NCR1: variants seen among roughly 807,000 people sequenced by gnomAD.
The protein encoded by NCR1 is NK cell-activating receptor.
NCR1 carries 30 observed loss-of-function variants against 32.5 expected under a neutral mutation model. The ratio of observed to expected loss-of-function variants is 0.92; its 90% CI spans 0.69 to 1.25. NCR1 has a LOEUF of 1.25. Ranked by LOEUF, NCR1 falls within the 50% of genes most tolerant of loss-of-function variation. The pLI is 0.00. For synonymous variants in NCR1, 169 were observed against 143.4 expected (o/e 1.18, Z -1.28); for missense variants, 369 against 380.7 (o/e 0.97, Z 0.26).
chr19:54,932,055 C>T, the NCR1 span, among the ~76,000 whole-genome samples: 1 of 152,034 alleles, frequency 6.6e-6, no homozygotes, highest in Non-Finnish European at 1.5e-5. Context: ...ACACATTCTA[C>T]ATATATAGGG....
At chr19:54,932,419 C>T in the NCR1 span, among the ~76,000 whole-genome samples, 1 of 137,126 alleles carries the variant, frequency 7.3e-6, no homozygotes, top group African/African-American at 2.8e-5. Context: ...CAGAGTGAGA[C>T]TTCATCCAAA....
intron 3 of NCR1, among the ~76,000 whole-genome samples, chr19:54,908,714 C>T (rs2067777459): frequency 6.7e-6 from 1 of 148,504 alleles, no homozygotes; most frequent in African/African-American, 2.5e-5. Context: ...CAGCTCACTG[C>T]AACCTCTGCC....
chr19:54,936,137 T>G, the NCR1 span: 1 of 830,954 alleles, frequency 1.2e-6, no homozygotes, highest in African/African-American at 1.7e-5. Flanking sequence ...CACACAGGCC[T>G]GTTTGAGGAA....
chr19:54,921,837 T>G, the NCR1 span, among the ~76,000 whole-genome samples: 2 of 150,100 alleles, frequency 1.3e-5, no homozygotes, highest in Non-Finnish European at 3.0e-5. Context: ...CCTAAAGCAT[T>G]AGCCATATGC....
At chr19:54,928,233 AT>A in the NCR1 span, among the ~76,000 whole-genome samples, 1 of 152,248 alleles carries the variant, frequency 6.6e-6, no homozygotes, top group South Asian at 2.1e-4. Context: ...AATATATAAC[AT>A]AAAATGAAAA....
chr19:54,907,060 G>A (rs1042638598), intron 3 of NCR1, among the ~76,000 whole-genome samples: 1 of 152,080 alleles, frequency 6.6e-6, no homozygotes, highest in Non-Finnish European at 1.5e-5. Flanking sequence ...GTATGCAGGG[G>A]TATGACTGAG....
At chr19:54,934,577 G>A in the NCR1 span, 445 of 1,614,036 alleles carry the variant, frequency 2.8e-4, 2 homozygotes, top group African/African-American at 4.5e-3. The surrounding 1 kb of genome is among the most constrained non-coding windows in gnomAD (Gnocchi z 6.7). Flanking sequence ...GCTGAGAGAC[G>A]CAGGTGCTTC....
chr19:54,930,865 G>T, the NCR1 span, among the ~76,000 whole-genome samples: 1 of 151,694 alleles, frequency 6.6e-6, no homozygotes, highest in Non-Finnish European at 1.5e-5. Context: ...ATAGGTGCCC[G>T]CCACCTATAT....
the NCR1 span, among the ~76,000 whole-genome samples, chr19:54,937,884 TAA>T: frequency 3.0e-5 from 2 of 65,920 alleles, no homozygotes; most frequent in South Asian, 9.0e-4. Flanking sequence ...GCAACAAGAG[TAA>T]ATCTCCGTCT....
chr19:54,909,952 A>AG, intron 4 of NCR1, 66 bp from the exon 5 acceptor site: 3 of 1,399,898 alleles, frequency 2.1e-6, no homozygotes, highest in Non-Finnish European at 3.0e-6. Flanking sequence ...AAAAAAAAAA[A>AG]AAAAGAATGG....
At chr19:54,932,977 A>G in the NCR1 span, among the ~76,000 whole-genome samples, 1 of 152,162 alleles carries the variant, frequency 6.6e-6, no homozygotes, top group African/African-American at 2.4e-5. Context: ...ACATAACTCA[A>G]TCTACCTCCA....
At chr19:54,909,956 A>AT in intron 4 of NCR1, 62 bp from the exon 5 acceptor site, 29 of 1,332,892 alleles carry the variant, frequency 2.2e-5, no homozygotes, top group Non-Finnish European at 2.8e-5. Flanking sequence ...AAAAAAAAAA[A>AT]GAATGGCAAG....
chr19:54,933,185 G>C, the NCR1 span, among the ~76,000 whole-genome samples: 1 of 151,810 alleles, frequency 6.6e-6, no homozygotes, highest in Admixed American at 6.6e-5. Flanking sequence ...TTGTTCTGTC[G>C]CCCAGGCTGG....
the NCR1 span, among the ~76,000 whole-genome samples, chr19:54,935,270 C>T: frequency 6.6e-6 from 1 of 151,910 alleles, no homozygotes; most frequent in Non-Finnish European, 1.5e-5. Context: ...CGCTCTGTTG[C>T]CCAGGCTGGA....
chr19:54,931,598 G>C, the NCR1 span, among the ~76,000 whole-genome samples: 1 of 151,834 alleles, frequency 6.6e-6, no homozygotes, highest in Non-Finnish European at 1.5e-5. Flanking sequence ...TGAGGCAGGA[G>C]AATCTCTTGA....
the NCR1 span, among the ~76,000 whole-genome samples, chr19:54,924,174 G>A: frequency 6.6e-6 from 1 of 152,148 alleles, no homozygotes. Context: ...CGACATGTTA[G>A]CCAGGCTGGT....
chr19:54,907,908 G>A (rs2067717433), intron 3 of NCR1, among the ~76,000 whole-genome samples: 1 of 151,992 alleles, frequency 6.6e-6, no homozygotes, highest in African/African-American at 2.4e-5. Flanking sequence ...TTTTGTCTGT[G>A]CCTTTTCATT....
the NCR1 span, among the ~76,000 whole-genome samples, chr19:54,937,715 C>T: frequency 8.6e-5 from 13 of 151,886 alleles, no homozygotes; most frequent in African/African-American, 2.9e-4. Flanking sequence ...CTGGGCAACA[C>T]GGTGAAAACC....
At chr19:54,935,560 G>C in the NCR1 span, among the ~76,000 whole-genome samples, 1 of 148,882 alleles carries the variant, frequency 6.7e-6, no homozygotes, top group Admixed American at 6.7e-5. Flanking sequence ...GCCAGGCGTG[G>C]TGGTGCACGC....
Sources: gnomAD v4.1 joint callset for allele counts (sites outside exome capture counted in the v4.1 genomes callset) on GRCh38, gnomAD v4.1.1 for gene constraint, Gnocchi (gnomAD v3.1) non-coding constraint, MANE v1.5 for transcripts, NCBI Gene and HGNC (gene_info 2026-07-23, HGNC 2026-07-21) for gene names.